PHYH: variants seen among roughly 807,000 people sequenced by gnomAD.
The protein encoded by PHYH is phytanoyl-CoA dioxygenase, peroxisomal.
A neutral mutation model predicts 38.5 loss-of-function variants in PHYH; 32 were observed. That is an observed-to-expected ratio of 0.83 (90% CI 0.63 to 1.12). PHYH has a LOEUF of 1.12. PHYH is among the 50% of genes most tolerant of loss of function. The pLI is 0.00. For missense variants in PHYH, 426 were observed against 434.8 expected (o/e 0.98, Z 0.18); for synonymous variants, 166 against 157.9 (o/e 1.05, Z -0.38).
In PHYH at chr10:13,295,568, C is replaced by A. The variant is rs764637574; in HGVS notation, c.173G>T (p.Arg58Ile). The A allele has an allele frequency of 3.3e-6, 5 of 1,530,968 alleles. 1 individual carries two copies. The South Asian group carries it at 4.5e-5, about 14-fold the overall frequency. 94.8% of individuals were successfully genotyped at this position (1,530,968 alleles called of 1,614,324 possible). A position where few individuals can be genotyped will look rare whatever the true frequency, so the allele number is the denominator to read the frequency against. ...LDNNVLTLEQ[R>I]KFYEENGFLV... is the part of the protein sequence containing the mutation. The stretch of plus-strand genomic sequence containing the variant: ...AAACCCATTTTCTTCATAAAATTTT[C>A]TCTGTTCCAGGGTTAGAACGTTATT... Residue 58 changes from arginine (R) to isoleucine (I), a missense_variant, in exon 3 of 9, where the codon AGA (arginine) becomes ATA (isoleucine). Transcript: ENST00000263038.
Position 13,295,548 on chromosome 10 carries a change from C to T in PHYH, c.193G>A (p.Gly65Arg), listed in dbSNP as rs1344010115. Residue 65 changes from glycine to arginine, a missense_variant, in exon 3 of 9, where the codon GGG becomes AGG. By Grantham distance (125) the Gly-to-Arg change is moderately radical. Transcript: ENST00000263038. ...LEQRKFYEEN[G>R]FLVIKNLVPD... ...ACAAGATTTTTGATTACTAGAAACC[C>T]ATTTTCTTCATAAAATTTTCTCTGT... 3.2e-6 allele frequency: 5 copies of T among 1,566,000 alleles called. No individual in the cohort carries two copies. Among genetic ancestry groups the T allele is most frequent in the Non-Finnish European group, 4.4e-6 (5 of 1,136,132 alleles).
intron 6 of PHYH, 115 bp downstream of exon 6, chr10:13,288,245 A>C: frequency 2.1e-6 from 2 of 931,022 alleles, no homozygotes; most frequent in Admixed American, 1.9e-5. Flanking sequence ...TCTTAGGACA[A>C]TGTTTTGCTC....
chr10:13,296,057 A>G (rs1016687058), intron 2 of PHYH, among the ~76,000 whole-genome samples: 2 of 151,504 alleles, frequency 1.3e-5, no homozygotes, highest in African/African-American at 4.9e-5. Flanking sequence ...AATCCCAGCT[A>G]CCCGGGAGGT....
chr10:13,289,868 G>A (rs528997334), intron 5 of PHYH, among the ~76,000 whole-genome samples: 8 of 150,662 alleles, frequency 5.3e-5, no homozygotes, highest in South Asian at 2.1e-4. Context: ...AACCCAGGAG[G>A]CAGCAGGTTG....
chr10:13,295,588 G>A lies in PHYH; in HGVS notation c.153C>T (p.Asn51=), dbSNP rs1747682. The change falls in exon 3 of 9, where the codon AAC becomes AAT. Residue 51 remains asparagine, a synonymous_variant. Coordinates refer to ENST00000263038, the MANE Select transcript of PHYH (RefSeq NM_006214.4). ...ATTTTCTCTGTTCCAGGGTTAGAAC[G>A]TTATTATCCAGAGTATACCTAAAGG... The part of the protein sequence containing the change: ...PQQFQYTLDN[N]VLTLEQRKFY... 0.99 allele frequency: 1,304,828 copies of A among 1,313,394 alleles called. 648,562 individuals carry two copies. The highest frequency in any genetic ancestry group is 1 in the East Asian group (43,512 of 43,512). 81.4% of individuals were successfully genotyped at this position (1,313,394 alleles called of 1,614,324 possible).
In PHYH at chr10:13,283,716, G is replaced by A; in HGVS notation, c.802C>T (p.Gln268Ter). Residue 268 changes from glutamine (Q) to a stop codon, truncating the protein, a stop_gained, in exon 7 of 9, where the codon CAG becomes TAG. Transcript: ENST00000263038. LOFTEE classifies it high-confidence loss of function. Reference sequence around the variant, plus strand: ...TTCCGGAATCCCTGGGTTTTATTCTGACCAGATCCGTGGATGAGCAAAGGA... The same window carrying A: ...TTCCGGAATCCCTGGGTTTTATTCTAACCAGATCCGTGGATGAGCAAAGGA... ...FHPLLIHGSG[Q>*]NKTQGFRKAI... 1 of 1,614,064 alleles carries A rather than the reference G, an allele frequency of 6.2e-7. No homozygotes were observed. Among genetic ancestry groups the A allele is most frequent in the Non-Finnish European group, 8.5e-7 (1 of 1,180,002 alleles).
intron 6 of PHYH, among the ~76,000 whole-genome samples, chr10:13,285,625 G>A (rs1835529470): frequency 7.6e-6 from 1 of 130,772 alleles, no homozygotes; most frequent in Non-Finnish European, 1.6e-5. Context: ...TTTTTTTTGA[G>A]ATGGAGTCTT....
At chr10:13,296,543 A>C (rs1835856676) in intron 2 of PHYH, among the ~76,000 whole-genome samples, 1 of 146,818 alleles carries the variant, frequency 6.8e-6, no homozygotes, top group African/African-American at 2.6e-5. Flanking sequence ...AGCCTGGGTG[A>C]CAGAGCAAGG....
At position 13,283,291 on chromosome 10, in the gene PHYH, A is replaced by G. The variant is rs568689704; in HGVS notation, c.828+399T>C. 1.1e-4 allele frequency among the ~76,000 whole-genome samples: 17 copies of G among 151,844 alleles called. No individual in the cohort carries two copies. The East Asian group carries it at 2.7e-3, about 24-fold the overall frequency. ...ACTACAGGCGCCCGCCACCTCGCCC[A>G]GCTAATTTTTTGTATTTTTAGTAGA... On this transcript the variant is annotated intron_variant, in intron 7 of 8. Coordinates refer to ENST00000263038, the MANE Select transcript of PHYH (RefSeq NM_006214.4).
At chr10:13,283,210 A>C (rs1373032577) in intron 7 of PHYH, among the ~76,000 whole-genome samples, 6 of 138,132 alleles carry the variant, frequency 4.3e-5, no homozygotes, top group Non-Finnish European at 9.1e-5. Flanking sequence ...CTCACTGCAG[A>C]CTCCACCCCC....
At chr10:13,278,484 G>A in intron 8 of PHYH, 130 bp from the exon 9 acceptor site, 1 of 721,346 alleles carries the variant, frequency 1.4e-6, no homozygotes, top group East Asian at 2.7e-5. Flanking sequence ...AATAATCCCT[G>A]TAAGTTATAT....
At chr10:13,296,068 T>C (rs1450081267) in intron 2 of PHYH, among the ~76,000 whole-genome samples, 1 of 151,812 alleles carries the variant, frequency 6.6e-6, no homozygotes, top group Admixed American at 6.6e-5. Context: ...CCCGGGAGGT[T>C]GAGGCAGGAA....
chr10:13,282,025 C>T (rs1483276629), intron 7 of PHYH, among the ~76,000 whole-genome samples: 1 of 152,094 alleles, frequency 6.6e-6, no homozygotes, highest in Non-Finnish European at 1.5e-5. Flanking sequence ...GCAGGAGGAT[C>T]ACTTGAGGCC....
At chr10:13,292,126 A>C (rs1835727001) in intron 4 of PHYH, among the ~76,000 whole-genome samples, 1 of 152,156 alleles carries the variant, frequency 6.6e-6, no homozygotes, top group East Asian at 1.9e-4. Flanking sequence ...GCTTTTTCTG[A>C]GCTAGCTGGG....
intron 6 of PHYH, 131 bp downstream of exon 6, chr10:13,288,229 T>C: frequency 1.2e-6 from 1 of 814,382 alleles, no homozygotes; most frequent in Non-Finnish European, 2.0e-6. Context: ...TGATCCTCAC[T>C]GCAAATCTTA....
At position 13,299,974 on chromosome 10, in the gene PHYH, C is replaced by G. The variant is rs1203997089; in HGVS notation, c.69G>C (p.Gly23=). The G allele has an allele frequency of 5.9e-6, 9 of 1,530,806 alleles. No individual in the cohort carries two copies. The highest frequency in any genetic ancestry group is 7.9e-6 in the Non-Finnish European group (9 of 1,143,970). The allele number at this position is 1,530,806 out of a possible 1,614,324, so 94.8% of individuals were successfully genotyped here. ...CGCGCAGCCCAAAGGATACGACAGCCCCGGCCGAGGGGCGGCCGAGGTGGC... is the reference window on the plus strand; with the variant it reads ...CGCGCAGCCCAAAGGATACGACAGCGCCGGCCGAGGGGCGGCCGAGGTGGC... The part of the protein sequence containing the change: ...VLGHLGRPSA[G]AVVAHPTSGT... Residue 23 remains glycine, a synonymous_variant, in exon 1 of 9, where the codon GGG becomes GGC. Coordinates refer to ENST00000263038, the MANE Select transcript of PHYH (RefSeq NM_006214.4).
At chr10:13,293,097 C>T (rs1835753807) in intron 4 of PHYH, among the ~76,000 whole-genome samples, 1 of 152,028 alleles carries the variant, frequency 6.6e-6, no homozygotes, top group African/African-American at 2.4e-5. Flanking sequence ...GAGTATGAAA[C>T]CCTGGAAAGG....
intron 6 of PHYH, among the ~76,000 whole-genome samples, chr10:13,286,145 C>G (rs1588509340): frequency 6.6e-6 from 1 of 152,084 alleles, no homozygotes; most frequent in Admixed American, 6.6e-5. Context: ...CTCCTGGGCT[C>G]AAGCGATCCT....
At chr10:13,298,496 T>G (rs1832637359) in intron 1 of PHYH, among the ~76,000 whole-genome samples, 1 of 151,990 alleles carries the variant, frequency 6.6e-6, no homozygotes, top group Non-Finnish European at 1.5e-5. Context: ...AGGTCGGGAT[T>G]TCGAGACCAG....
Sources: allele counts gnomAD v4.1 joint callset (sites outside exome capture counted in the v4.1 genomes callset), GRCh38; gene constraint gnomAD v4.1.1; transcripts MANE v1.5; gene names NCBI Gene and HGNC (gene_info 2026-07-23, HGNC 2026-07-21).